BBS12: variants seen among roughly 807,000 people sequenced by gnomAD.
The protein encoded by BBS12 is chaperonin-containing T-complex member BBS12.
Under a neutral mutation model 5.6 loss-of-function variants are expected in BBS12, and 5 were observed. That is an observed-to-expected ratio of 0.89 (90% CI 0.46 to 1.86). The LOEUF (loss-of-function observed/expected upper bound fraction) is 1.86, where lower values mean the gene tolerates loss of function less well. Among genes scored for constraint, BBS12 ranks in the 40% most tolerant of loss-of-function variants. The pLI is 0.01. For synonymous variants in BBS12, 308 were observed against 306.8 expected, an observed-to-expected ratio of 1.00 and a Z score of -0.04; for missense variants, 748 against 830.4, an observed-to-expected ratio of 0.90 and a Z score of 1.22.
At chr4:122,705,519 G>A in the BBS12 span, among the ~76,000 whole-genome samples, 16 of 152,188 alleles carry the variant, frequency 1.1e-4, no homozygotes, top group African/African-American at 2.9e-4. Context: ...TGTGGTAGAA[G>A]TTAAAACAGA....
At position 122,742,759 on chromosome 4, in the gene BBS12, A is replaced by C; in HGVS notation, c.867A>C (p.Ala289=). 1 of 1,614,262 alleles carries C rather than the reference A, an allele frequency of 6.2e-7. No individual in the cohort carries two copies. The highest frequency in any genetic ancestry group is 8.5e-7 in the Non-Finnish European group (1 of 1,180,036). ...GCAGCATGAAGTTAGTAGAAGAAGC[A>C]GTACAGCTGCAATATCAGAATGCTT... ...DHSSMKLVEE[A]VQLQYQNACV... is the part of the protein sequence containing the mutation. Residue 289 remains alanine (A), a synonymous_variant, in exon 2 of 2, where the codon GCA becomes GCC. Transcript: ENST00000314218.
the BBS12 span, among the ~76,000 whole-genome samples, chr4:122,727,036 A>C: frequency 6.6e-6 from 1 of 152,190 alleles, no homozygotes; most frequent in Non-Finnish European, 1.5e-5. Flanking sequence ...CCAAAATCTC[A>C]CTAAAGAACT....
chr4:122,714,284 C>T, the BBS12 span, among the ~76,000 whole-genome samples: 1 of 152,198 alleles, frequency 6.6e-6, no homozygotes, highest in Non-Finnish European at 1.5e-5. Flanking sequence ...ACCTTGATCT[C>T]AGACTTCCGT....
chr4:122,708,063 G>T, the BBS12 span, among the ~76,000 whole-genome samples: 1 of 145,648 alleles, frequency 6.9e-6, no homozygotes, highest in Non-Finnish European at 1.5e-5. Context: ...CCAGGCTGGA[G>T]TACAGCGGGG....
Position 122,743,945 on chromosome 4 carries a change from C to G in BBS12, c.2053C>G (p.Gln685Glu), listed in dbSNP as rs746020725. ...ATTGGATTTAGTATTGTTAGTACTTCAGACAGACAGTGAAATAATTACTGG... is the reference window on the plus strand; with the variant it reads ...ATTGGATTTAGTATTGTTAGTACTTGAGACAGACAGTGAAATAATTACTGG... ...RALDLVLLVLQTDSEIITGHG... is the reference protein window; with the variant it reads ...RALDLVLLVLETDSEIITGHG... Residue 685 changes from glutamine (Q) to glutamate (E), a missense_variant, in exon 2 of 2, where the codon CAG (glutamine) becomes GAG (glutamate). Transcript: ENST00000314218. 5 of 1,612,540 alleles carry G rather than the reference C, an allele frequency of 3.1e-6. No individual in the cohort carries two copies. In the Admixed American group the frequency reaches 8.4e-5, roughly 27 times the overall value.
Position 122,742,955 on chromosome 4 carries a change from C to A in BBS12, c.1063C>A (p.Arg355=). ...CAAGGAATTGCAGAATCAGCCTGTG[C>A]GAATAGTTCTCATTGAGGGTGACCT... ...VIKELQNQPV[R]IVLIEGDLTE... Residue 355 remains arginine, a synonymous_variant, in exon 2 of 2, where the codon CGA becomes AGA. Coordinates refer to ENST00000314218, the MANE Select transcript of BBS12 (RefSeq NM_152618.3). 1 of 1,614,162 alleles carries A rather than the reference C, an allele frequency of 6.2e-7. No homozygotes were observed. Among genetic ancestry groups the A allele is most frequent in the Non-Finnish European group, 8.5e-7 (1 of 1,180,010 alleles).
At chr4:122,739,413 C>A (rs562520716) in intron 1 of BBS12, among the ~76,000 whole-genome samples, 300 of 152,316 alleles carry the variant, frequency 2.0e-3, no homozygotes, top group African/African-American at 6.3e-3. Context: ...GGATGTCCCA[C>A]AGCACTATAG....
the BBS12 span, among the ~76,000 whole-genome samples, chr4:122,719,160 G>A: frequency 1.3e-5 from 2 of 152,104 alleles, no homozygotes; most frequent in South Asian, 2.1e-4. Context: ...GGTGAAGCCG[G>A]CTGGGCTTCT....
chr4:122,733,507 C>T (rs1210558931), intron 1 of BBS12, among the ~76,000 whole-genome samples: 1 of 152,010 alleles, frequency 6.6e-6, no homozygotes, highest in Non-Finnish European at 1.5e-5. Context: ...GAGTCAGACA[C>T]AGGTAGTCTG....
chr4:122,715,007 T>C, the BBS12 span, among the ~76,000 whole-genome samples: 2 of 152,046 alleles, frequency 1.3e-5, no homozygotes, highest in South Asian at 2.1e-4. Flanking sequence ...CCGATGAGAT[T>C]CTTTAACCTA....
the BBS12 span, among the ~76,000 whole-genome samples, chr4:122,713,812 A>C: frequency 6.6e-6 from 1 of 152,224 alleles, no homozygotes; most frequent in Non-Finnish European, 1.5e-5. Context: ...GGAAGGAGAA[A>C]TTGCAATTTA....
intron 1 of BBS12, among the ~76,000 whole-genome samples, chr4:122,734,921 G>GAAA (rs1452139574): frequency 2.8e-3 from 423 of 152,108 alleles, no homozygotes; most frequent in African/African-American, 8.1e-3. Flanking sequence ...AAACACATAG[G>GAAA]CACTCTTAAA....
In BBS12 at chr4:122,743,743, A is replaced by G. The variant is rs369934327; in HGVS notation, c.1851A>G (p.Thr617=). ...ANYSSEFEAS[T]YIQHHLQNAT... ...ACTCATCAGAATTTGAAGCCAGCACATACATTCAACATCATCTGCAAAATG... is the reference window on the plus strand; with the variant it reads ...ACTCATCAGAATTTGAAGCCAGCACGTACATTCAACATCATCTGCAAAATG... Residue 617 remains threonine (T), a synonymous_variant, in exon 2 of 2, where the codon ACA becomes ACG. Transcript: ENST00000314218. 2 of 1,614,114 alleles carry G rather than the reference A, an allele frequency of 1.2e-6. No individual in the cohort carries two copies. Among genetic ancestry groups the G allele is most frequent in the East Asian group, 2.2e-5 (1 of 44,898 alleles).
chr4:122,743,008 T>G lies in BBS12; in HGVS notation c.1116T>G (p.Phe372Leu), dbSNP rs1481995375. Residue 372 changes from phenylalanine (F) to leucine (L), a missense_variant, in exon 2 of 2, where the codon TTT (phenylalanine) becomes TTG (leucine). Physicochemically the swap from Phe to Leu is conservative, Grantham distance 22 (BLOSUM62 0). Transcript: ENST00000314218. ...DLTENYRHLG[F>L]NKSANIKTVL... ...CAGAGAATTACCGCCACCTGGGATT[T>G]AATAAGTCTGCAAATATTAAAACAG... 1 of 1,614,210 alleles carries G rather than the reference T, an allele frequency of 6.2e-7. No individual in the cohort carries two copies. The highest frequency in any genetic ancestry group is 1.1e-5 in the South Asian group (1 of 91,086).
the BBS12 span, among the ~76,000 whole-genome samples, chr4:122,725,366 CT>C: frequency 2.0e-5 from 3 of 152,182 alleles, no homozygotes; most frequent in African/African-American, 7.2e-5. Context: ...TCAAACTATA[CT>C]ATAAGCCCAT....
chr4:122,735,079 GT>G (rs1465907786), intron 1 of BBS12, among the ~76,000 whole-genome samples: 2 of 152,190 alleles, frequency 1.3e-5, no homozygotes, highest in African/African-American at 4.8e-5. Flanking sequence ...ATAATACAAT[GT>G]TTTTAATACA....
At chr4:122,712,878 C>A in the BBS12 span, among the ~76,000 whole-genome samples, 3 of 152,210 alleles carry the variant, frequency 2.0e-5, no homozygotes, top group African/African-American at 7.2e-5. Flanking sequence ...AATATCAAAA[C>A]TTCCTTAATA....
At chr4:122,712,589 T>G in the BBS12 span, among the ~76,000 whole-genome samples, 1 of 152,226 alleles carries the variant, frequency 6.6e-6, no homozygotes, top group East Asian at 1.9e-4. Context: ...ATGCAGTGAG[T>G]GTTTCAAAAA....
At chr4:122,730,032 C>T (rs1800678334), upstream of BBS12, 1 of 152,152 alleles carries the variant, frequency 6.6e-6, no homozygotes, top group Non-Finnish European at 1.5e-5. Flanking sequence ...ACTATAGAGT[C>T]AAACTTACAG....
Sources: gnomAD v4.1 joint callset for allele counts (sites outside exome capture counted in the v4.1 genomes callset) on GRCh38, gnomAD v4.1.1 for gene constraint, MANE v1.5 for transcripts, NCBI Gene and HGNC (gene_info 2026-07-23, HGNC 2026-07-21) for gene names.